THADA: variants seen among roughly 807,000 people sequenced by gnomAD.
The protein encoded by THADA is THADA armadillo repeat containing.
THADA carries 213 observed loss-of-function variants against 219.8 expected under a neutral mutation model. The observed-to-expected ratio is 0.97, with a 90% CI of 0.87 to 1.09. The LOEUF is 1.09. Ranked by LOEUF, THADA falls within the 50% of genes least tolerant of loss-of-function variation. The pLI is 0.00. For synonymous variants in THADA, 1,018 were observed against 828.9 expected, an observed-to-expected ratio of 1.23 and a Z score of -3.92; for missense variants, 2,956 against 2,311.3, an observed-to-expected ratio of 1.28 and a Z score of -5.72.
intron 30 of THADA, among the ~76,000 whole-genome samples, chr2:43,322,674 C>CTT (rs34557514): frequency 0.016 from 899 of 54,808 alleles, 339 homozygotes; most frequent in African/African-American, 0.031. Flanking sequence ...ACATTCTATT[C>CTT]TTTTTTTTTT....
In THADA at chr2:43,586,375, C is replaced by T. The variant is rs766788937; in HGVS notation, c.533+26G>A. ...TAATGTACAACTGCAAGTGTGCACA[C>T]ACAAATGCCAACATATAGCACTTGC... On this transcript the variant is annotated intron_variant, in intron 7 of 37. Coordinates refer to ENST00000405975, the MANE Select transcript of THADA (RefSeq NM_022065.5). 1.3e-5 allele frequency: 20 copies of T among 1,553,248 alleles called. No individual in the cohort carries two copies. The East Asian group carries it at 4.6e-4, about 36-fold the overall frequency.
chr2:43,322,844 C>A (rs554048324), intron 30 of THADA, among the ~76,000 whole-genome samples: 1 of 151,682 alleles, frequency 6.6e-6, no homozygotes, highest in African/African-American at 2.4e-5. Flanking sequence ...CGCCGCCACG[C>A]CCGGCTAATT....
intron 36 of THADA, among the ~76,000 whole-genome samples, chr2:43,247,694 A>G (rs1045206629): frequency 4.7e-5 from 6 of 127,960 alleles, no homozygotes; most frequent in African/African-American, 1.8e-4. Context: ...GCGCCACCGC[A>G]CTCCAGACTG....
In THADA at chr2:43,572,875, G is replaced by A; in HGVS notation, c.1847C>T (p.Thr616Ile). The A allele has an allele frequency of 6.2e-7, 1 of 1,613,906 alleles. No homozygotes were observed. The highest frequency in any genetic ancestry group is 8.5e-7 in the Non-Finnish European group (1 of 1,179,858). ...AHGHLQSATDTWENLVSDARI... is the reference protein window; with the variant it reads ...AHGHLQSATDIWENLVSDARI... ...TGCATCAGACACGAGGTTCTCCCAG[G>A]TATCAGTTGCAGACTGAAGATGTCC... The change falls in exon 12 of 38, where the codon ACC (threonine) becomes ATC (isoleucine). Residue 616 changes from threonine to isoleucine, a missense_variant. Thr to Ile is a moderately conservative substitution (Grantham distance 89, BLOSUM62 -1). Transcript: ENST00000405975.
intron 31 of THADA, among the ~76,000 whole-genome samples, chr2:43,316,819 C>T (rs978839765): frequency 3.3e-5 from 5 of 152,046 alleles, no homozygotes; most frequent in South Asian, 2.1e-4. Flanking sequence ...CCCAGCTACT[C>T]GGGAGGCTGA....
chr2:43,440,687 A>C (rs1680739138), intron 26 of THADA, among the ~76,000 whole-genome samples: 1 of 152,190 alleles, frequency 6.6e-6, no homozygotes, highest in Non-Finnish European at 1.5e-5. Flanking sequence ...TGTCTTCTTG[A>C]GGAATCAGTT....
At chr2:43,366,981 A>G (rs1670229890) in intron 29 of THADA, among the ~76,000 whole-genome samples, 1 of 152,236 alleles carries the variant, frequency 6.6e-6, no homozygotes, top group Admixed American at 6.5e-5. Flanking sequence ...AATATGGTAT[A>G]TCATGCAAAG....
intron 36 of THADA, among the ~76,000 whole-genome samples, chr2:43,261,383 C>T (rs1670927089): frequency 6.6e-6 from 1 of 151,302 alleles, no homozygotes; most frequent in South Asian, 2.1e-4. Context: ...ACCATCATGC[C>T]CAGCTAATTT....
In THADA at chr2:43,549,244, A is replaced by G. The variant is rs1319336324; in HGVS notation, c.3072T>C (p.Ser1024=). ...DSFDMKDLNA[S]VVNIDTSTEI... ...CTGTAGAAGTATCAATATTCACCAC[A>G]CTAGCATTCAAGTCCTTCATATCAA... The change falls in exon 20 of 38, where the codon AGT becomes AGC. Residue 1024 remains serine, a synonymous_variant. Transcript: ENST00000405975. 8 of 1,588,510 alleles carry G rather than the reference A, an allele frequency of 5.0e-6. No homozygotes were observed. Among genetic ancestry groups the G allele is most frequent in the Non-Finnish European group, 6.9e-6 (8 of 1,166,920 alleles).
At position 43,428,116 on chromosome 2, in the gene THADA, C is replaced by CA; in HGVS notation, c.4041dup (p.Val1348CysfsTer17). The CA allele has an allele frequency of 6.2e-7, 1 of 1,609,514 alleles. No homozygotes were observed. Among genetic ancestry groups the CA allele is most frequent in the South Asian group, 1.1e-5 (1 of 90,796 alleles). On this transcript the variant is annotated frameshift_variant, in exon 28 of 38. Transcript: ENST00000405975. LOFTEE classifies it high-confidence loss of function. The stretch of plus-strand genomic sequence containing the variant: ...TGACACTACCTCATAATGAAGGGAA[C>CA]AAAAGGTCCCATGCTGAGAGCAGAA...
Position 43,551,927 on chromosome 2 carries a change from T to G in THADA, c.2811-2A>C. 1 of 1,604,660 alleles carries G rather than the reference T, an allele frequency of 6.2e-7. No individual in the cohort carries two copies. Among genetic ancestry groups the G allele is most frequent in the Non-Finnish European group, 8.5e-7 (1 of 1,177,554 alleles). ...CACTCGCTCACCAACTGCAGGCTGCTGCAACAAGGACATTAGGGAAATTTA... is the reference window on the plus strand; with the variant it reads ...CACTCGCTCACCAACTGCAGGCTGCGGCAACAAGGACATTAGGGAAATTTA... On this transcript the variant is annotated splice_acceptor_variant, in intron 18 of 37. Transcript: ENST00000405975. LOFTEE classifies it high-confidence loss of function.
intron 36 of THADA, among the ~76,000 whole-genome samples, chr2:43,241,144 C>A (rs1668580422): frequency 6.6e-6 from 1 of 152,072 alleles, no homozygotes; most frequent in Non-Finnish European, 1.5e-5. Context: ...CAGGCTAGGG[C>A]AAAGTGGCAC....
chr2:43,548,273 C>G (rs1652613535), intron 20 of THADA, among the ~76,000 whole-genome samples: 4 of 152,210 alleles, frequency 2.6e-5, no homozygotes, highest in Admixed American at 2.0e-4. Flanking sequence ...CAGTCTGCCC[C>G]TACTGGGGGG....
chr2:43,561,748 T>C (rs1698088507), intron 15 of THADA, among the ~76,000 whole-genome samples: 1 of 152,220 alleles, frequency 6.6e-6, no homozygotes, highest in Admixed American at 6.5e-5. Context: ...ATTTTTTTCT[T>C]GTATAATTGC....
intron 21 of THADA, among the ~76,000 whole-genome samples, chr2:43,534,670 T>G (rs1276518458): frequency 6.6e-6 from 1 of 152,216 alleles, no homozygotes; most frequent in Non-Finnish European, 1.5e-5. Context: ...GGCTGAATAG[T>G]ATTCCACTCT....
At chr2:43,367,904 G>A (rs553632500) in intron 29 of THADA, among the ~76,000 whole-genome samples, 1 of 152,278 alleles carries the variant, frequency 6.6e-6, no homozygotes, top group African/African-American at 2.4e-5. Context: ...GGATCACGAG[G>A]TCAAGAGATC....
chr2:43,463,793 A>C (rs1482541452), intron 26 of THADA, among the ~76,000 whole-genome samples: 1 of 152,210 alleles, frequency 6.6e-6, no homozygotes, highest in Non-Finnish European at 1.5e-5. Context: ...ACATTAATTA[A>C]TCTTTCTTCC....
chr2:43,512,995 A>T (rs562181109), intron 22 of THADA, among the ~76,000 whole-genome samples: 4 of 152,190 alleles, frequency 2.6e-5, no homozygotes, highest in Non-Finnish European at 5.9e-5. Context: ...AATATATCAC[A>T]GTGGTTAGGA....
chr2:43,268,727 C>A (rs1482146784), intron 36 of THADA, among the ~76,000 whole-genome samples: 1 of 152,186 alleles, frequency 6.6e-6, no homozygotes, highest in Non-Finnish European at 1.5e-5. Flanking sequence ...CCCTGCCCTG[C>A]AGAACTTCTC....
Sources: gnomAD v4.1 joint callset for allele counts (sites outside exome capture counted in the v4.1 genomes callset) on GRCh38, gnomAD v4.1.1 for gene constraint, MANE v1.5 for transcripts, NCBI Gene and HGNC (gene_info 2026-07-23, HGNC 2026-07-21) for gene names.